SCFD2: variants seen among roughly 807,000 people sequenced by gnomAD.
SCFD2 encodes sec1 family domain-containing protein 2.
In SCFD2, 54 loss-of-function variants were observed where a neutral mutation model predicts 58.9. The ratio of observed to expected loss-of-function variants is 0.92; its 90% CI spans 0.74 to 1.15. The LOEUF is 1.15. Among genes scored for constraint, SCFD2 ranks in the 50% most tolerant of loss-of-function variants. SCFD2 has a pLI of 0.00. For missense variants in SCFD2, 805 were observed against 836.6 expected (o/e 0.96, Z 0.47); for synonymous variants, 321 against 335.9 (o/e 0.96, Z 0.49).
intron 7 of SCFD2, among the ~76,000 whole-genome samples, chr4:52,901,349 G>A (rs1234921523): frequency 1.3e-5 from 2 of 152,176 alleles, no homozygotes; most frequent in Admixed American, 1.3e-4. Flanking sequence ...TAACCTGGGT[G>A]GGCATTTTTG....
chr4:53,251,971 A>G (rs1273997543), intron 4 of SCFD2, among the ~76,000 whole-genome samples: 1 of 152,174 alleles, frequency 6.6e-6, no homozygotes, highest in Non-Finnish European at 1.5e-5. Flanking sequence ...ACATGAATGT[A>G]TATCTAGAAA....
At chr4:53,333,419 AG>A in intron 2 of SCFD2, among the ~76,000 whole-genome samples, 1 of 133,670 alleles carries the variant, frequency 7.5e-6, no homozygotes, top group South Asian at 2.7e-4. Context: ...TCAATGGAAC[AG>A]AACAGAGCCC....
intron 5 of SCFD2, chr4:52,957,674 CT>C (rs938771046): frequency 9.2e-5 from 14 of 152,214 alleles, no homozygotes; most frequent in African/African-American, 3.4e-4. Context: ...AGGGAGGTTA[CT>C]CGTGGAGATG....
At chr4:53,100,767 T>C (rs891595702) in intron 5 of SCFD2, among the ~76,000 whole-genome samples, 1 of 152,158 alleles carries the variant, frequency 6.6e-6, no homozygotes, top group Non-Finnish European at 1.5e-5. Context: ...GTCCCAAAAA[T>C]TTGCTTTCTT....
At chr4:53,236,341 CT>C (rs1729607445) in intron 4 of SCFD2, among the ~76,000 whole-genome samples, 1 of 151,516 alleles carries the variant, frequency 6.6e-6, no homozygotes, top group African/African-American at 2.4e-5. Context: ...ATTGTGAGAC[CT>C]TGTGATTGTG....
intron 5 of SCFD2, among the ~76,000 whole-genome samples, chr4:52,940,456 G>T (rs1475484582): frequency 6.6e-6 from 1 of 152,166 alleles, no homozygotes. Context: ...AGACAAGTAA[G>T]TCCCACATTA....
At chr4:53,178,573 ACT>A (rs1388554816) in intron 4 of SCFD2, among the ~76,000 whole-genome samples, 2 of 152,160 alleles carry the variant, frequency 1.3e-5, no homozygotes, top group African/African-American at 2.4e-5. Flanking sequence ...AAAACTGGAA[ACT>A]CTAAAAATCA....
intron 3 of SCFD2, among the ~76,000 whole-genome samples, chr4:53,301,435 C>A (rs1204518471): frequency 6.6e-6 from 1 of 151,664 alleles, no homozygotes; most frequent in Admixed American, 6.6e-5. Context: ...CAATAACAGG[C>A]TCTGAAATTG....
At chr4:53,192,297 T>C (rs1463595232) in intron 4 of SCFD2, among the ~76,000 whole-genome samples, 1 of 152,188 alleles carries the variant, frequency 6.6e-6, no homozygotes, top group Non-Finnish European at 1.5e-5. Flanking sequence ...CTGCTGTATA[T>C]AGTCTAGTAC....
chr4:53,351,958 T>C (rs1244333247), intron 2 of SCFD2, among the ~76,000 whole-genome samples: 1 of 152,168 alleles, frequency 6.6e-6, no homozygotes, highest in Non-Finnish European at 1.5e-5. Context: ...CATACTTTTT[T>C]CCCTTCTAAT....
At chr4:52,990,965 T>A (rs1020702385) in intron 5 of SCFD2, among the ~76,000 whole-genome samples, 3 of 152,168 alleles carry the variant, frequency 2.0e-5, no homozygotes, top group Non-Finnish European at 4.4e-5. Context: ...GGAACACACC[T>A]GGCTGTAGGT....
chr4:53,133,157 T>A (rs143105663), intron 5 of SCFD2, among the ~76,000 whole-genome samples: 11,881 of 151,802 alleles, frequency 0.078, 686 homozygotes, highest in East Asian at 0.24. Flanking sequence ...TGAAACCCCG[T>A]CTCTACTAAA....
chr4:52,930,636 C>T (rs561050106), intron 5 of SCFD2, among the ~76,000 whole-genome samples: 7 of 152,170 alleles, frequency 4.6e-5, no homozygotes, highest in Non-Finnish European at 1.0e-4. Context: ...AAATGGCTCT[C>T]TTCTGACTGC....
intron 5 of SCFD2, among the ~76,000 whole-genome samples, chr4:52,988,348 GA>G (rs1312896741): frequency 6.6e-6 from 1 of 152,194 alleles, no homozygotes; most frequent in Non-Finnish European, 1.5e-5. Flanking sequence ...GGAAGAACTG[GA>G]TCCCATTGAA....
chr4:53,050,949 A>G (rs551615089), intron 5 of SCFD2, among the ~76,000 whole-genome samples: 2 of 152,244 alleles, frequency 1.3e-5, no homozygotes, highest in South Asian at 4.1e-4. Flanking sequence ...ACACATCTTG[A>G]TTAGGTCAGA....
Position 52,920,881 on chromosome 4 carries a change from C to A in SCFD2, c.1562-11G>T. On this transcript the variant is annotated splice_polypyrimidine_tract_variant and intron_variant, in intron 5 of 8. Transcript: ENST00000401642. Reference sequence around the variant, plus strand: ...TTGAAGAGTCCCAGTCTGAAAAAATCCAGAGATATTTTCTTGAGTGAGTAA... The same window carrying A: ...TTGAAGAGTCCCAGTCTGAAAAAATACAGAGATATTTTCTTGAGTGAGTAA... The A allele has an allele frequency of 6.3e-7, 1 of 1,587,328 alleles. No individual in the cohort carries two copies. Among genetic ancestry groups the A allele is most frequent in the Non-Finnish European group, 8.6e-7 (1 of 1,166,154 alleles).
intron 5 of SCFD2, among the ~76,000 whole-genome samples, chr4:52,922,226 T>C (rs768818236): frequency 1.3e-5 from 2 of 152,188 alleles, no homozygotes; most frequent in Non-Finnish European, 2.9e-5. Flanking sequence ...GGTTACCCAT[T>C]TAAAGTATAA....
At chr4:53,269,617 A>G (rs1053866018) in intron 4 of SCFD2, among the ~76,000 whole-genome samples, 3 of 152,188 alleles carry the variant, frequency 2.0e-5, no homozygotes, top group African/African-American at 4.8e-5. Flanking sequence ...CTTTTAAGCA[A>G]CTGATAATTC....
chr4:53,138,264 C>G (rs950786485), intron 5 of SCFD2, among the ~76,000 whole-genome samples: 2 of 152,136 alleles, frequency 1.3e-5, no homozygotes, highest in African/African-American at 4.8e-5. Flanking sequence ...ATGATTTGCC[C>G]ACTAACACTC....
Sources: allele counts gnomAD v4.1 joint callset (sites outside exome capture counted in the v4.1 genomes callset), GRCh38; gene constraint gnomAD v4.1.1; transcripts MANE v1.5; gene names NCBI Gene and HGNC (gene_info 2026-07-23, HGNC 2026-07-21).